Variants in DACH2 observed in about 807,000 individuals in gnomAD.
DACH2 encodes the protein dachshund family transcription factor 2.
DACH2 carries 17 observed loss-of-function variants against 35.8 expected under a neutral mutation model. That is an observed-to-expected ratio of 0.48 (90% CI 0.33 to 0.71). The LOEUF is 0.71. Ranked by LOEUF, DACH2 falls within the 30% of genes least tolerant of loss-of-function variation. DACH2 has a pLI of 0.02. For synonymous variants in DACH2, 195 were observed against 177.3 expected, an observed-to-expected ratio of 1.10 and a Z score of -0.79; for missense variants, 469 against 472.7, an observed-to-expected ratio of 0.99 and a Z score of 0.07.
intron 7 of DACH2, among the ~76,000 whole-genome samples, chrX:86,760,657 A>G (rs2041871399): frequency 9.0e-6 from 1 of 111,214 alleles, no homozygotes; most frequent in East Asian, 2.8e-4. Flanking sequence ...TATCTCACTG[A>G]GCTTCTTTAA....
intron 7 of DACH2, among the ~76,000 whole-genome samples, chrX:86,766,095 T>G: frequency 9.0e-6 from 1 of 110,684 alleles, no homozygotes; most frequent in Non-Finnish European, 1.9e-5. Context: ...CTTCTCTCCT[T>G]TCTTCTCCAA....
intron 1 of DACH2, among the ~76,000 whole-genome samples, chrX:86,280,808 C>G (rs1027359351): frequency 1.2e-4 from 13 of 111,570 alleles, no homozygotes; most frequent in African/African-American, 4.2e-4. Context: ...ATCCTAGTCT[C>G]TGATAAAACA....
In DACH2 at chrX:86,775,968, C is replaced by T. The variant is rs184964415; in HGVS notation, c.1240+36086C>T. On this transcript the variant is annotated intron_variant, in intron 7 of 11. Transcript: ENST00000373125. Reference sequence around the variant, plus strand: ...CTGTGGCATAGAGAGAAGGAATTTGCCCAAGGTCACTCAGTAAGTGGTGGA... The same window carrying T: ...CTGTGGCATAGAGAGAAGGAATTTGTCCAAGGTCACTCAGTAAGTGGTGGA... 4.5e-5 allele frequency among the ~76,000 whole-genome samples: 5 copies of T among 111,245 alleles called. No homozygotes were observed. In the Admixed American group the frequency reaches 4.8e-4, roughly 11 times the overall value.
intron 2 of DACH2, among the ~76,000 whole-genome samples, chrX:86,497,286 T>A (rs1004828570): frequency 2.7e-5 from 3 of 111,784 alleles, no homozygotes; most frequent in African/African-American, 9.7e-5. Context: ...GGATGAGGCC[T>A]TACAATATTG....
intron 2 of DACH2, among the ~76,000 whole-genome samples, chrX:86,426,446 A>C (rs2036895172): frequency 9.0e-6 from 1 of 111,686 alleles, no homozygotes; most frequent in African/African-American, 3.2e-5. Context: ...TCATCAAAAA[A>C]TTTCTTTAAA....
intron 7 of DACH2, among the ~76,000 whole-genome samples, chrX:86,785,367 T>A (rs2042127214): frequency 9.0e-6 from 1 of 111,129 alleles, no homozygotes; most frequent in Non-Finnish European, 1.9e-5. Context: ...AAAGCAGTGA[T>A]TAAAAAAGAA....
chrX:86,364,128 A>G (rs1162319606), intron 1 of DACH2, among the ~76,000 whole-genome samples: 2 of 111,742 alleles, frequency 1.8e-5, no homozygotes, highest in Non-Finnish European at 3.8e-5. Context: ...CCTATTTTGC[A>G]TGGCATTGCT....
intron 4 of DACH2, among the ~76,000 whole-genome samples, chrX:86,689,364 T>C (rs1231037948): frequency 4.5e-5 from 5 of 111,551 alleles, no homozygotes; most frequent in Non-Finnish European, 9.4e-5. Flanking sequence ...GTTAGCACTT[T>C]ACAATACACT....
At chrX:86,423,656 T>C (rs185243212) in intron 2 of DACH2, among the ~76,000 whole-genome samples, 1 of 110,584 alleles carries the variant, frequency 9.0e-6, no homozygotes, top group East Asian at 2.9e-4. Flanking sequence ...AGAAGCTTTT[T>C]AACTTGATGT....
chrX:86,295,805 G>T (rs1270464188), intron 1 of DACH2, among the ~76,000 whole-genome samples: 1 of 109,973 alleles, frequency 9.1e-6, no homozygotes, highest in African/African-American at 3.4e-5. Context: ...AGGGGGATTT[G>T]GGAGGGGTGG....
At chrX:86,384,638 T>C (rs1487095109) in intron 2 of DACH2, among the ~76,000 whole-genome samples, 2 of 111,920 alleles carry the variant, frequency 1.8e-5, no homozygotes, top group Non-Finnish European at 1.9e-5. Flanking sequence ...ATCATTGGAA[T>C]TTTTGTTTTT....
intron 1 of DACH2, among the ~76,000 whole-genome samples, chrX:86,366,812 C>T (rs969079105): frequency 4.5e-5 from 5 of 110,251 alleles, no homozygotes; most frequent in Non-Finnish European, 7.6e-5. Flanking sequence ...TGCTTCCCCT[C>T]TTGCCATGTG....
chrX:86,527,595 C>T (rs1378262716), intron 3 of DACH2, among the ~76,000 whole-genome samples: 4 of 112,187 alleles, frequency 3.6e-5, no homozygotes, highest in Non-Finnish European at 5.6e-5. Flanking sequence ...TTATATATTT[C>T]ACTCTTTCAG....
At chrX:86,475,393 T>C (rs766659079) in intron 2 of DACH2, among the ~76,000 whole-genome samples, 9 of 111,742 alleles carry the variant, frequency 8.1e-5, no homozygotes, top group Admixed American at 9.5e-5. Context: ...ATTTTCATTA[T>C]AGAAATCCTT....
chrX:86,827,864 T>A, intron 11 of DACH2: 6 of 990,859 alleles, frequency 6.1e-6, no homozygotes, highest in Non-Finnish European at 8.4e-6. Context: ...TTAGAATTCA[T>A]ACTCAAATCC....
At chrX:86,477,644 T>A (rs984080685) in intron 2 of DACH2, among the ~76,000 whole-genome samples, 4 of 110,331 alleles carry the variant, frequency 3.6e-5, no homozygotes, top group Admixed American at 1.9e-4. Context: ...TGATTGCAGT[T>A]TATTTTGTTT....
intron 3 of DACH2, among the ~76,000 whole-genome samples, chrX:86,638,789 A>G (rs772741316): frequency 8.9e-6 from 1 of 112,154 alleles, no homozygotes; most frequent in South Asian, 3.7e-4. Context: ...TGTAGAAAGG[A>G]AATGCTTATA....
intron 2 of DACH2, among the ~76,000 whole-genome samples, chrX:86,400,294 T>C (rs1214723999): frequency 2.7e-5 from 3 of 111,281 alleles, no homozygotes; most frequent in African/African-American, 9.8e-5. Context: ...AGTTTTTTTT[T>C]CAAAGTTTTT....
chrX:86,381,425 G>A (rs2036044618), intron 2 of DACH2, among the ~76,000 whole-genome samples: 1 of 110,801 alleles, frequency 9.0e-6, no homozygotes, highest in Non-Finnish European at 1.9e-5. Flanking sequence ...AAGGATTAAA[G>A]ATACTATTTT....
Sources: allele counts gnomAD v4.1 joint callset (sites outside exome capture counted in the v4.1 genomes callset), GRCh38; gene constraint gnomAD v4.1.1; transcripts MANE v1.5; gene names NCBI Gene and HGNC (gene_info 2026-07-23, HGNC 2026-07-21).